The following MAGI2 variants were observed in gnomAD, a reference collection of about 807,000 sequenced individuals.
MAGI2 encodes the protein membrane associated guanylate kinase, WW and PDZ domain containing 2, also known as membrane-associated guanylate kinase, WW and PDZ domain-containing protein 2.
A neutral mutation model predicts 133.3 loss-of-function variants in MAGI2; 35 were observed. The ratio of observed to expected loss-of-function variants is 0.26; its 90% CI spans 0.20 to 0.35. MAGI2 has a LOEUF of 0.35. MAGI2 is among the 10% of genes least tolerant of loss of function. The probability of loss-of-function intolerance (pLI) is 1.00; values close to 1 mark genes in which losing one functional copy is unlikely to be tolerated. For missense variants in MAGI2, 1,636 were observed against 1,863.4 expected (o/e 0.88, Z 2.25); for synonymous variants, 729 against 710.6 (o/e 1.03, Z -0.41).
intron 21 of MAGI2, among the ~76,000 whole-genome samples, chr7:78,022,619 C>T (rs947015700): frequency 1.3e-5 from 2 of 152,184 alleles, no homozygotes; most frequent in African/African-American, 4.8e-5. Flanking sequence ...CACTGCCAAC[C>T]AACAGGAACC....
chr7:78,703,833 A>ACACACAC (rs1554534804), intron 2 of MAGI2, among the ~76,000 whole-genome samples: 1 of 31,218 alleles, frequency 3.2e-5, no homozygotes, highest in African/African-American at 6.3e-5. Context: ...TACACACACA[A>ACACACAC]ACACACACAC....
intron 1 of MAGI2, among the ~76,000 whole-genome samples, chr7:79,304,403 C>T (rs968242110): frequency 7.3e-6 from 1 of 136,886 alleles, no homozygotes; most frequent in Non-Finnish European, 1.6e-5. Context: ...CCTTATATTA[C>T]AGTTTTTTCT....
chr7:79,172,648 T>A (rs1695505905), intron 1 of MAGI2, among the ~76,000 whole-genome samples: 1 of 152,000 alleles, frequency 6.6e-6, no homozygotes. Flanking sequence ...TTTAAATAAA[T>A]TAAAAAGGTA....
intron 1 of MAGI2, among the ~76,000 whole-genome samples, chr7:79,093,694 C>T (rs146044474): frequency 1.4e-5 from 2 of 137,934 alleles, no homozygotes; most frequent in African/African-American, 5.5e-5. Context: ...TTCTCTTTCT[C>T]TTTCTTTTTC....
At chr7:79,177,591 G>T (rs559393712) in intron 1 of MAGI2, among the ~76,000 whole-genome samples, 1 of 151,878 alleles carries the variant, frequency 6.6e-6, no homozygotes, top group African/African-American at 2.4e-5. Context: ...AAATTATTTT[G>T]CTGAGCATTT....
intron 3 of MAGI2, among the ~76,000 whole-genome samples, chr7:78,557,225 C>T (rs1053294218): frequency 1.3e-5 from 2 of 151,992 alleles, no homozygotes; most frequent in African/African-American, 4.8e-5. Flanking sequence ...ACCCTCTGTA[C>T]TGAATTGCCA....
At chr7:79,292,241 A>T (rs541647384) in intron 1 of MAGI2, among the ~76,000 whole-genome samples, 1 of 152,248 alleles carries the variant, frequency 6.6e-6, no homozygotes, top group African/African-American at 2.4e-5. Context: ...TTAACATTTC[A>T]TTGGTCTGTA....
intron 1 of MAGI2, among the ~76,000 whole-genome samples, chr7:79,094,651 T>C (rs1444825823): frequency 6.6e-6 from 1 of 152,240 alleles, no homozygotes. Flanking sequence ...TATTACTCCT[T>C]GATCCATGGG....
intron 1 of MAGI2, among the ~76,000 whole-genome samples, chr7:79,201,057 T>C (rs76420355): frequency 0.023 from 3,546 of 151,950 alleles, 172 homozygotes; most frequent in African/African-American, 0.081. Context: ...ATCAACGTAC[T>C]CCAAGAGATG....
At chr7:79,294,518 C>T (rs917093452) in intron 1 of MAGI2, among the ~76,000 whole-genome samples, 3 of 152,010 alleles carry the variant, frequency 2.0e-5, no homozygotes, top group East Asian at 3.9e-4. Context: ...AGTGCACAGG[C>T]CTGTCTGTCA....
At chr7:78,706,306 T>G (rs986191574) in intron 2 of MAGI2, among the ~76,000 whole-genome samples, 2 of 152,040 alleles carry the variant, frequency 1.3e-5, no homozygotes, top group Admixed American at 6.6e-5. Context: ...ATCAGGGGTT[T>G]CTGTTTTTGC....
At chr7:78,154,531 C>G (rs1488699238) in intron 16 of MAGI2, among the ~76,000 whole-genome samples, 1 of 152,148 alleles carries the variant, frequency 6.6e-6, no homozygotes, top group Non-Finnish European at 1.5e-5. Flanking sequence ...ATGCTATGAC[C>G]ACTGTCCTGA....
At chr7:78,507,610 G>A (rs977046125) in intron 4 of MAGI2, among the ~76,000 whole-genome samples, 3 of 152,124 alleles carry the variant, frequency 2.0e-5, no homozygotes, top group Admixed American at 2.0e-4. Flanking sequence ...CAACTATATA[G>A]AGTACTACAA....
intron 2 of MAGI2, among the ~76,000 whole-genome samples, chr7:78,953,274 T>G (rs1175853907): frequency 1.3e-5 from 2 of 152,152 alleles, no homozygotes; most frequent in Non-Finnish European, 1.5e-5. Flanking sequence ...GCACATGTGG[T>G]GAACGTGCAT....
chr7:79,333,421 C>T (rs189621395), intron 1 of MAGI2, among the ~76,000 whole-genome samples: 64 of 152,218 alleles, frequency 4.2e-4, no homozygotes, highest in Non-Finnish European at 7.1e-4. Context: ...CCACCGCACC[C>T]GGCCTCATTT....
At chr7:78,837,268 CA>C (rs1791713215) in intron 2 of MAGI2, among the ~76,000 whole-genome samples, 1 of 152,062 alleles carries the variant, frequency 6.6e-6, no homozygotes. Flanking sequence ...GATTCTAGTT[CA>C]AAAATAGTTT....
intron 1 of MAGI2, among the ~76,000 whole-genome samples, chr7:79,367,780 G>A (rs34014065): frequency 0.13 from 19,268 of 144,708 alleles, 1,401 homozygotes; most frequent in South Asian, 0.22. Context: ...TTTTGTAAAT[G>A]TTTTAACCCA....
chr7:78,895,440 T>A (rs1393756768), intron 2 of MAGI2, among the ~76,000 whole-genome samples: 1 of 152,148 alleles, frequency 6.6e-6, no homozygotes, highest in African/African-American at 2.4e-5. Flanking sequence ...AGCAAACAGT[T>A]CTTCAAGACT....
chr7:78,978,814 G>A (rs112808295), intron 2 of MAGI2, among the ~76,000 whole-genome samples: 64 of 151,964 alleles, frequency 4.2e-4, no homozygotes, highest in African/African-American at 1.5e-3. Context: ...AAGATTAAAT[G>A]CAAGGGAACT....
Sources: gnomAD v4.1 joint callset for allele counts (sites outside exome capture counted in the v4.1 genomes callset) on GRCh38, gnomAD v4.1.1 for gene constraint, MANE v1.5 for transcripts, NCBI Gene and HGNC (gene_info 2026-07-23, HGNC 2026-07-21) for gene names.